The following PACS1 variants were observed in gnomAD, a reference collection of about 807,000 sequenced individuals.
The protein encoded by PACS1 is PACS-1.
PACS1 carries 24 observed loss-of-function variants against 115.0 expected under a neutral mutation model. That is an observed-to-expected ratio of 0.21 (90% CI 0.15 to 0.29). PACS1 has a LOEUF of 0.29. PACS1 is among the 10% of genes least tolerant of loss of function. PACS1 has a pLI of 1.00. For synonymous variants in PACS1, 453 were observed against 504.5 expected (o/e 0.90, Z 1.37); for missense variants, 838 against 1,251.2 (o/e 0.67, Z 4.98).
intron 1 of PACS1, among the ~76,000 whole-genome samples, chr11:66,152,120 G>C (rs1859253754): frequency 6.6e-6 from 1 of 152,140 alleles, no homozygotes; most frequent in African/African-American, 2.4e-5. Context: ...TGTAGTGCCA[G>C]CTACTTGGGA....
chr11:66,096,210 T>TG, intron 1 of PACS1, among the ~76,000 whole-genome samples: 1 of 9,154 alleles, frequency 1.1e-4, no homozygotes, highest in African/African-American at 3.4e-4. Flanking sequence ...TTTTTCTTTC[T>TG]TTTTTTTTTT....
At chr11:66,208,590 A>G (rs1305305263) in intron 2 of PACS1, among the ~76,000 whole-genome samples, 1 of 151,762 alleles carries the variant, frequency 6.6e-6, no homozygotes, top group Non-Finnish European at 1.5e-5. Flanking sequence ...TGAAGTGGAA[A>G]GATCGTTTGA....
At chr11:66,157,847 G>A (rs1406242393) in intron 1 of PACS1, among the ~76,000 whole-genome samples, 4 of 147,654 alleles carry the variant, frequency 2.7e-5, no homozygotes, top group Non-Finnish European at 3.0e-5. Flanking sequence ...TAGCCTATGG[G>A]AAAAAAAAAA....
chr11:66,146,692 A>G (rs1859131236), intron 1 of PACS1, among the ~76,000 whole-genome samples: 1 of 152,210 alleles, frequency 6.6e-6, no homozygotes, highest in African/African-American at 2.4e-5. Flanking sequence ...GAAAACTTCA[A>G]ATCGGATAAA....
intron 1 of PACS1, among the ~76,000 whole-genome samples, chr11:66,176,115 A>G (rs1422947104): frequency 1.3e-5 from 2 of 152,216 alleles, no homozygotes; most frequent in African/African-American, 4.8e-5. Flanking sequence ...TATAGTGGAT[A>G]CATGTGCAGA....
intron 1 of PACS1, among the ~76,000 whole-genome samples, chr11:66,114,506 A>G (rs1326570789): frequency 6.6e-6 from 1 of 151,980 alleles, no homozygotes; most frequent in African/African-American, 2.4e-5. Context: ...TTAGTATGCC[A>G]TAGAATAGAG....
At chr11:66,139,196 A>G (rs1279694472) in intron 1 of PACS1, among the ~76,000 whole-genome samples, 1 of 151,878 alleles carries the variant, frequency 6.6e-6, no homozygotes, top group East Asian at 1.9e-4. Flanking sequence ...TAAATTTTTA[A>G]TTTTCATGTT....
At chr11:66,234,339 T>G in intron 17 of PACS1, 97 bp downstream of exon 17, 2 of 806,628 alleles carry the variant, frequency 2.5e-6, no homozygotes, top group Admixed American at 3.5e-5. Context: ...CTTTCCTCCC[T>G]GCAGCTCTCA....
At chr11:66,199,886 G>A (rs1854738605) in intron 2 of PACS1, among the ~76,000 whole-genome samples, 1 of 151,996 alleles carries the variant, frequency 6.6e-6, no homozygotes, top group South Asian at 2.1e-4. Flanking sequence ...GGGTGTAGTG[G>A]CGTACACCTG....
At position 66,090,290 on chromosome 11, in the gene PACS1, T is replaced by C. The variant is rs569544431; in HGVS notation, c.356+19448T>C. ...TCCTTTCTTTTTTTTTTTTTTTTTT[T>C]CAGATAGGGTCTTGCTCTGTTGCCC... On this transcript the variant is annotated intron_variant, in intron 1 of 23. Coordinates refer to ENST00000320580, the MANE Select transcript of PACS1 (RefSeq NM_018026.4). Among the ~76,000 whole-genome samples the C allele has an allele frequency of 2.5e-3, 364 of 148,286 alleles. 5 individuals carry two copies. The South Asian group carries it at 0.028, about 11-fold the overall frequency.
intron 1 of PACS1, among the ~76,000 whole-genome samples, chr11:66,092,838 T>C (rs905282427): frequency 2.6e-5 from 4 of 152,146 alleles, no homozygotes; most frequent in African/African-American, 9.7e-5. Context: ...GTTGTAGATA[T>C]GCGGCGTTAT....
intron 1 of PACS1, among the ~76,000 whole-genome samples, chr11:66,168,625 T>C (rs1337127218): frequency 1.3e-5 from 2 of 150,164 alleles, no homozygotes; most frequent in Non-Finnish European, 2.9e-5. Flanking sequence ...ATCTGTAAAA[T>C]AGGCGCTAAT....
At chr11:66,071,104 A>T (rs1048466478) in intron 1 of PACS1, among the ~76,000 whole-genome samples, 1 of 152,098 alleles carries the variant, frequency 6.6e-6, no homozygotes, top group African/African-American at 2.4e-5. Context: ...GCTTTCTCCG[A>T]TTGGGCTGAC....
Position 66,210,446 on chromosome 11 carries a change from C to G in PACS1, c.529C>G (p.Leu177Val), listed in dbSNP as rs1196674628. 3 of 1,608,080 alleles carry G rather than the reference C, an allele frequency of 1.9e-6. No homozygotes were observed. The highest frequency in any genetic ancestry group is 2.2e-5 in the South Asian group (2 of 90,978). Residue 177 changes from leucine to valine, a missense_variant, in exon 3 of 24, where the codon CTT becomes GTT. Coordinates refer to ENST00000320580, the MANE Select transcript of PACS1 (RefSeq NM_018026.4). ...VETELQLTFS[L>V]QYPHFLKRDA... ...AACAGAGCTCCAATTAACCTTCTCC[C>G]TTCAGGTGAGACTCTCCTAATCTTA... is the stretch of plus-strand genomic sequence containing the variant.
intron 1 of PACS1, among the ~76,000 whole-genome samples, chr11:66,111,416 G>A (rs548763572): frequency 3.3e-5 from 5 of 152,174 alleles, no homozygotes; most frequent in African/African-American, 1.2e-4. Flanking sequence ...TATCAGACAC[G>A]TGGCACTGAC....
chr11:66,207,077 T>C (rs1482568347), intron 2 of PACS1, among the ~76,000 whole-genome samples: 1 of 152,220 alleles, frequency 6.6e-6, no homozygotes, highest in Admixed American at 6.5e-5. Flanking sequence ...CAGTGTTATT[T>C]TGAGGCAATC....
At chr11:66,126,782 A>G (rs1858584112) in intron 1 of PACS1, among the ~76,000 whole-genome samples, 2 of 152,054 alleles carry the variant, frequency 1.3e-5, no homozygotes, top group African/African-American at 2.4e-5. Context: ...TTTACTAGGG[A>G]GTGATTATTA....
intron 1 of PACS1, among the ~76,000 whole-genome samples, chr11:66,160,724 T>G (rs1250383101): frequency 1.3e-5 from 2 of 149,730 alleles, no homozygotes; most frequent in Non-Finnish European, 3.0e-5. Flanking sequence ...TCTCACTATG[T>G]TTCCCAGGCT....
intron 19 of PACS1, chr11:66,238,308 C>T: frequency 1.0e-6 from 1 of 985,336 alleles, no homozygotes; most frequent in Non-Finnish European, 1.2e-6. Flanking sequence ...CCTCTGCCCA[C>T]AGGACCTTAG....
Sources: allele counts gnomAD v4.1 joint callset (sites outside exome capture counted in the v4.1 genomes callset), GRCh38; gene constraint gnomAD v4.1.1; transcripts MANE v1.5; gene names NCBI Gene and HGNC (gene_info 2026-07-23, HGNC 2026-07-21).